Variants in ULK4 observed in about 807,000 individuals in gnomAD.
ULK4 encodes unc-51 like kinase 4.
ULK4 carries 133 observed loss-of-function variants against 160.6 expected under a neutral mutation model. The ratio of observed to expected loss-of-function variants is 0.83; its 90% confidence interval spans 0.72 to 0.96. The LOEUF (loss-of-function observed/expected upper bound fraction) is 0.96. Ranked by LOEUF, ULK4 falls within the 40% of genes least tolerant of loss-of-function variation. ULK4 has a pLI of 0.00. For missense variants in ULK4, 1,580 were observed against 1,499.5 expected (o/e 1.05, Z -0.89); for synonymous variants, 534 against 539.8 (o/e 0.99, Z 0.15).
At chr3:41,617,653 T>G (rs2033041760) in intron 30 of ULK4, among the ~76,000 whole-genome samples, 1 of 152,114 alleles carries the variant, frequency 6.6e-6, no homozygotes, top group Non-Finnish European at 1.5e-5. Flanking sequence ...GATAAATCCA[T>G]GAAGATGAGG....
At chr3:41,937,088 G>A (rs1378008114) in intron 3 of ULK4, 4 of 436,562 alleles carry the variant, frequency 9.2e-6, no homozygotes, top group Non-Finnish European at 1.2e-5. Context: ...GCCAAATTCA[G>A]TAAAAGTAAA....
chr3:41,889,583 GTACT>G (rs1697843544), intron 16 of ULK4, among the ~76,000 whole-genome samples: 1 of 152,220 alleles, frequency 6.6e-6, no homozygotes, highest in Non-Finnish European at 1.5e-5. Context: ...ATAACAATTG[GTACT>G]TACTAAGCTT....
intron 2 of ULK4, among the ~76,000 whole-genome samples, chr3:41,950,550 A>G (rs73071236): frequency 0.13 from 20,376 of 151,404 alleles, 1,506 homozygotes; most frequent in Middle Eastern, 0.27. Flanking sequence ...GCCCACTCCC[A>G]GCTAATTTTT....
chr3:41,679,030 T>C (rs58529773), intron 29 of ULK4, among the ~76,000 whole-genome samples: 20,143 of 152,186 alleles, frequency 0.13, 3,136 homozygotes, highest in African/African-American at 0.38. Context: ...GTTAAATGAA[T>C]GTGTTACTTA....
chr3:41,920,391 C>T (rs1267706432), intron 5 of ULK4, among the ~76,000 whole-genome samples: 1 of 152,180 alleles, frequency 6.6e-6, no homozygotes, highest in Non-Finnish European at 1.5e-5. Context: ...ACCATCTATC[C>T]AGGAGAATAG....
intron 32 of ULK4, among the ~76,000 whole-genome samples, chr3:41,509,678 C>A (rs1243331929): frequency 1.3e-5 from 2 of 152,146 alleles, no homozygotes; most frequent in Admixed American, 6.5e-5. Flanking sequence ...TTTTAGCCTC[C>A]TTTAACAAAA....
intron 27 of ULK4, among the ~76,000 whole-genome samples, chr3:41,702,377 T>C (rs576333711): frequency 1.3e-5 from 2 of 152,116 alleles, no homozygotes; most frequent in Non-Finnish European, 2.9e-5. Flanking sequence ...ACTCCCAACC[T>C]CATGTGATCT....
chr3:41,561,107 A>G (rs1341560345), intron 32 of ULK4, among the ~76,000 whole-genome samples: 1 of 152,196 alleles, frequency 6.6e-6, no homozygotes, highest in Non-Finnish European at 1.5e-5. Context: ...CCTTTTCTGC[A>G]TCTATTGAGA....
intron 9 of ULK4, 33 bp from the exon 10 acceptor site, chr3:41,911,692 T>C (rs936358236): frequency 6.7e-7 from 1 of 1,490,146 alleles, no homozygotes; most frequent in Admixed American, 1.7e-5. Flanking sequence ...CAATCAAACT[T>C]ACTTTGGAGT....
intron 34 of ULK4, among the ~76,000 whole-genome samples, 196 bp from the exon 35 acceptor site, chr3:41,398,460 T>C (rs535234500): frequency 9.9e-5 from 15 of 151,344 alleles, no homozygotes; most frequent in Non-Finnish European, 1.8e-4. Flanking sequence ...CACAACTCAC[T>C]GCAGCCTCAA....
At chr3:41,518,374 C>T (rs2085819530) in intron 32 of ULK4, among the ~76,000 whole-genome samples, 2 of 152,222 alleles carry the variant, frequency 1.3e-5, no homozygotes, top group South Asian at 4.2e-4. Context: ...CAAAATTCTG[C>T]AGGCTTTAAC....
chr3:41,679,215 A>C (rs2035839665), intron 29 of ULK4, among the ~76,000 whole-genome samples: 1 of 152,216 alleles, frequency 6.6e-6, no homozygotes, highest in South Asian at 2.1e-4. Flanking sequence ...TAAAATAATG[A>C]GCCTAACAAT....
intron 34 of ULK4, among the ~76,000 whole-genome samples, chr3:41,439,486 C>G (rs2083112542): frequency 1.3e-5 from 2 of 152,078 alleles, no homozygotes; most frequent in Admixed American, 1.3e-4. Flanking sequence ...ATAAAGCAAG[C>G]TAAAAATGAC....
intron 30 of ULK4, among the ~76,000 whole-genome samples, chr3:41,660,598 T>C (rs1255402435): frequency 6.6e-6 from 1 of 152,252 alleles, no homozygotes. Flanking sequence ...CCTTAAGGTA[T>C]GTAAAAATGG....
chr3:41,349,709 A>T (rs1047289796), intron 35 of ULK4, among the ~76,000 whole-genome samples: 1 of 152,186 alleles, frequency 6.6e-6, no homozygotes, highest in Non-Finnish European at 1.5e-5. Context: ...CATTTGTCAA[A>T]TATAAACATA....
At chr3:41,588,527 G>C (rs1322634168) in intron 31 of ULK4, among the ~76,000 whole-genome samples, 1 of 152,144 alleles carries the variant, frequency 6.6e-6, no homozygotes, top group Non-Finnish European at 1.5e-5. Context: ...ACCAAAGAGT[G>C]GCAAGAGAGG....
chr3:41,700,421 G>C (rs1468295403), intron 27 of ULK4, among the ~76,000 whole-genome samples: 1 of 152,150 alleles, frequency 6.6e-6, no homozygotes, highest in Non-Finnish European at 1.5e-5. Flanking sequence ...GGAAAAACTA[G>C]ATTCATTCAC....
chr3:41,494,705 T>C (rs2084922037), intron 32 of ULK4, among the ~76,000 whole-genome samples: 1 of 152,142 alleles, frequency 6.6e-6, no homozygotes, highest in African/African-American at 2.4e-5. Context: ...CAAAATCTCC[T>C]TAAGCTGATA....
intron 21 of ULK4, among the ~76,000 whole-genome samples, chr3:41,782,187 T>C (rs895034725): frequency 3.3e-5 from 5 of 151,714 alleles, no homozygotes; most frequent in Non-Finnish European, 7.4e-5. Context: ...AGTTCAAGTA[T>C]GTCTTTGCAA....
Sources: gnomAD v4.1 joint callset for allele counts (sites outside exome capture counted in the v4.1 genomes callset) on GRCh38, gnomAD v4.1.1 for gene constraint, MANE v1.5 for transcripts, NCBI Gene and HGNC (gene_info 2026-07-23, HGNC 2026-07-21) for gene names.